Variants in DLGAP2 observed in about 807,000 individuals in gnomAD.
DLGAP2 encodes the protein DLG associated protein 2.
DLGAP2 carries 26 observed loss-of-function variants against 100.3 expected under a neutral mutation model. The ratio of observed to expected loss-of-function variants is 0.26; its 90% CI spans 0.19 to 0.36. The LOEUF (loss-of-function observed/expected upper bound fraction) is 0.36, where lower values mean the gene tolerates loss of function less well. Ranked by LOEUF, DLGAP2 falls within the 10% of genes least tolerant of loss-of-function variation. DLGAP2 has a pLI of 1.00. For missense variants in DLGAP2, 1,858 were observed against 1,453.2 expected, an observed-to-expected ratio of 1.28 and a Z score of -4.53; for synonymous variants, 886 against 630.1, an observed-to-expected ratio of 1.41 and a Z score of -6.08.
intron 3 of DLGAP2, among the ~76,000 whole-genome samples, chr8:1,292,102 G>C (rs906724260): frequency 1.3e-5 from 2 of 152,206 alleles, no homozygotes; most frequent in Non-Finnish European, 2.9e-5. Flanking sequence ...TGGTGTGTCA[G>C]CTAAGCCTGT....
chr8:1,096,852 C>T (rs1484160867), intron 2 of DLGAP2, among the ~76,000 whole-genome samples: 1 of 139,476 alleles, frequency 7.2e-6, no homozygotes. Context: ...GAGCCCGGGG[C>T]AGGCCTTCAC....
intron 2 of DLGAP2, among the ~76,000 whole-genome samples, chr8:1,210,055 A>G (rs1798071797): frequency 6.6e-6 from 1 of 152,056 alleles, no homozygotes; most frequent in South Asian, 2.1e-4. Flanking sequence ...GTGTCTTACA[A>G]CCCCTGAGCC....
At chr8:927,632 C>T (rs1195290907) in intron 2 of DLGAP2, among the ~76,000 whole-genome samples, 1 of 152,062 alleles carries the variant, frequency 6.6e-6, no homozygotes, top group Non-Finnish European at 1.5e-5. Flanking sequence ...GGCCCAGCAC[C>T]GTGGGGTAGG....
In DLGAP2 at chr8:1,701,336, G is replaced by A. The variant is rs1799562218; in HGVS notation, c.3098G>A (p.Arg1033Gln). ...LMAAKRAASFRQNSASERADS... is the reference protein window; with the variant it reads ...LMAAKRAASFQQNSASERADS... ...GCCGCCAAGCGAGCGGCGTCCTTCC[G>A]GCAGAATTCCGCCTCCGAGCGCGCG... The change falls in exon 15 of 15, where the codon CGG (arginine) becomes CAG (glutamine). Residue 1033 changes from arginine (R) to glutamine (Q), a missense_variant. Physicochemically the swap from Arg to Gln is conservative, Grantham distance 43. Transcript: ENST00000637795. 12 of 1,593,354 alleles carry A rather than the reference G, an allele frequency of 7.5e-6. No individual in the cohort carries two copies. The highest frequency in any genetic ancestry group is 1.0e-5 in the Non-Finnish European group (12 of 1,170,730).
intron 2 of DLGAP2, among the ~76,000 whole-genome samples, chr8:1,099,430 A>T (rs1804506441): frequency 6.6e-6 from 1 of 152,188 alleles, no homozygotes; most frequent in South Asian, 2.1e-4. Context: ...AGTGTCTGGG[A>T]TGCGCCAGGG....
intron 4 of DLGAP2, among the ~76,000 whole-genome samples, chr8:1,532,675 T>C (rs1280309094): frequency 6.6e-6 from 1 of 152,216 alleles, no homozygotes; most frequent in African/African-American, 2.4e-5. Flanking sequence ...CAAAGAAATG[T>C]GCAAAAACTT....
chr8:1,544,344 G>A (rs1445752153), intron 4 of DLGAP2, among the ~76,000 whole-genome samples: 2 of 152,144 alleles, frequency 1.3e-5, no homozygotes, highest in Non-Finnish European at 2.9e-5. Context: ...TTTTGCTCCT[G>A]TAACCTGCTC....
chr8:1,683,131 G>T (rs940029676), intron 12 of DLGAP2, among the ~76,000 whole-genome samples: 2 of 151,662 alleles, frequency 1.3e-5, no homozygotes, highest in African/African-American at 4.8e-5. Flanking sequence ...GGTACAGGAA[G>T]TGGAAACTGT....
intron 4 of DLGAP2, among the ~76,000 whole-genome samples, chr8:1,521,001 C>G (rs1026005339): frequency 2.6e-5 from 4 of 152,186 alleles, no homozygotes; most frequent in African/African-American, 9.7e-5. Flanking sequence ...GGCTCCGCGT[C>G]CTGGCCGGCG....
At chr8:870,863 A>G (rs1171950252) in intron 1 of DLGAP2, among the ~76,000 whole-genome samples, 2 of 152,006 alleles carry the variant, frequency 1.3e-5, no homozygotes, top group East Asian at 3.9e-4. Flanking sequence ...GCTGATAAGG[A>G]CAGAACTCGG....
chr8:1,529,878 C>T (rs1159327879), intron 4 of DLGAP2, among the ~76,000 whole-genome samples: 1 of 152,162 alleles, frequency 6.6e-6, no homozygotes, highest in Non-Finnish European at 1.5e-5. Context: ...CCCCACAAGC[C>T]ACAAAAACCA....
intron 3 of DLGAP2, among the ~76,000 whole-genome samples, chr8:1,443,215 G>A (rs1054547571): frequency 4.6e-5 from 7 of 151,994 alleles, no homozygotes; most frequent in South Asian, 2.1e-4. Flanking sequence ...TAATCCCAGC[G>A]CCCAGCCTTC....
intron 2 of DLGAP2, among the ~76,000 whole-genome samples, chr8:1,179,931 C>T (rs17815681): frequency 0.035 from 5,353 of 152,168 alleles, 125 homozygotes; most frequent in East Asian, 0.15. Context: ...GAAATTAAAC[C>T]GTGCCTTTAG....
chr8:1,336,410 C>T (rs1262190231), intron 3 of DLGAP2, among the ~76,000 whole-genome samples: 1 of 152,132 alleles, frequency 6.6e-6, no homozygotes, highest in African/African-American at 2.4e-5. Context: ...CACCGTGCAT[C>T]CACAGGCTGT....
Position 751,711 on chromosome 8 carries a change from A to T in DLGAP2, c.18+13886A>T, listed in dbSNP as rs1021614122. 3.9e-5 allele frequency among the ~76,000 whole-genome samples: 6 copies of T among 152,238 alleles called. No homozygotes were observed. The East Asian group carries it at 5.8e-4, about 15-fold the overall frequency. On this transcript the variant is annotated intron_variant, in intron 1 of 14. Coordinates refer to ENST00000637795, the MANE Select transcript of DLGAP2 (RefSeq NM_001346810.2). ...CATAGTAAGTCCTTATAGTAAGTTC[A>T]TCTGACACTTCATAGTAAGTCCTTA... is the stretch of plus-strand genomic sequence containing the variant.
chr8:843,345 A>G (rs1290010071), intron 1 of DLGAP2, among the ~76,000 whole-genome samples: 1 of 152,088 alleles, frequency 6.6e-6, no homozygotes, highest in Non-Finnish European at 1.5e-5. Context: ...TCAGGGTGAG[A>G]GCCTTTCCTG....
chr8:1,663,020 CTG>C (rs1798450586), intron 8 of DLGAP2, among the ~76,000 whole-genome samples: 1 of 81,908 alleles, frequency 1.2e-5, no homozygotes, highest in Non-Finnish European at 2.3e-5. Flanking sequence ...GTGTGTATAC[CTG>C]TGTGAGTGTG....
intron 2 of DLGAP2, among the ~76,000 whole-genome samples, chr8:1,012,776 C>T (rs1315003341): frequency 6.7e-6 from 1 of 148,758 alleles, no homozygotes; most frequent in African/African-American, 2.5e-5. Flanking sequence ...GACCAGCCCC[C>T]CACTTCAGCG....
chr8:1,080,305 C>T (rs1803761810), intron 2 of DLGAP2, among the ~76,000 whole-genome samples: 1 of 151,698 alleles, frequency 6.6e-6, no homozygotes, highest in African/African-American at 2.4e-5. Flanking sequence ...CTGCTGTGCT[C>T]TCCTCCGGGG....
Sources: allele counts gnomAD v4.1 joint callset (sites outside exome capture counted in the v4.1 genomes callset), GRCh38; gene constraint gnomAD v4.1.1; transcripts MANE v1.5; gene names NCBI Gene and HGNC (gene_info 2026-07-23, HGNC 2026-07-21).